CCDC57: variants seen among roughly 807,000 people sequenced by gnomAD.
The protein encoded by CCDC57 is coiled-coil domain containing 57, also known as coiled-coil domain-containing protein 57.
Under a neutral mutation model 118.9 loss-of-function variants are expected in CCDC57, and 118 were observed. That is an observed-to-expected ratio of 0.99 (90% CI 0.86 to 1.16). The LOEUF (loss-of-function observed/expected upper bound fraction) is 1.16, where lower values mean the gene tolerates loss of function less well. Ranked by LOEUF, CCDC57 falls within the 50% of genes most tolerant of loss-of-function variation. The probability of loss-of-function intolerance (pLI) is 0.00; values close to 1 mark genes in which losing one functional copy is unlikely to be tolerated. For missense variants in CCDC57, 1,300 were observed against 1,320.7 expected (o/e 0.98, Z 0.24); for synonymous variants, 527 against 532.9 (o/e 0.99, Z 0.15).
chr17:82,145,776 CCCGCCCT>C, intron 16 of CCDC57: 1 of 464,180 alleles, frequency 2.2e-6, no homozygotes, highest in Non-Finnish European at 4.5e-6. Context: ...GTTCTCACTC[CCCGCCCT>C]GGTCTCGGCC....
At chr17:82,114,108 C>T (rs2035535725) in intron 19 of CCDC57, among the ~76,000 whole-genome samples, 1 of 152,144 alleles carries the variant, frequency 6.6e-6, no homozygotes, top group African/African-American at 2.4e-5. Flanking sequence ...AGAGTGACGC[C>T]ACAGATGGAA....
At chr17:82,201,900 AAGCAGCAGCTCATTC>A in exon 3 of CCDC57, 3 of 1,608,066 alleles carry the variant, frequency 1.9e-6, no homozygotes, top group Non-Finnish European at 2.6e-6. Context: ...CCTCCTTGCG[AAGCAGCAGCTCATTC>A]AGGGCGGGCT....
chr17:82,103,042 G>T (rs1423167748), intron 19 of CCDC57, among the ~76,000 whole-genome samples: 3 of 152,264 alleles, frequency 2.0e-5, no homozygotes, highest in Non-Finnish European at 4.4e-5. Flanking sequence ...GCAGGTCAGC[G>T]GGCGGCCAAC....
chr17:82,144,114 A>T (rs577989226), intron 16 of CCDC57, among the ~76,000 whole-genome samples: 1 of 152,174 alleles, frequency 6.6e-6, no homozygotes, highest in East Asian at 1.9e-4. Flanking sequence ...GATCAGACTG[A>T]TGGCTGACCT....
chr17:82,134,321 G>A (rs2145414177), intron 16 of CCDC57, 127 bp from the exon 16 acceptor site: 3 of 951,388 alleles, frequency 3.2e-6, no homozygotes, highest in Non-Finnish European at 1.4e-6. Context: ...CCATTACATC[G>A]AGAACTTGGG....
At chr17:82,162,035 TG>T (rs2043405067) in intron 14 of CCDC57, among the ~76,000 whole-genome samples, 1 of 152,168 alleles carries the variant, frequency 6.6e-6, no homozygotes, top group South Asian at 2.1e-4. Context: ...GTTTCGCTCC[TG>T]TTGCCCAAGC....
rs1038281682 is a variant in CCDC57, at chr17:82,120,461, G to A, written c.2899+7231C>T. On this transcript the variant is annotated intron_variant, in intron 19 of 19. Transcript: ENST00000665763. Reference sequence around the variant, plus strand: ...CCGAGCTGCGCTCTGTCCTAGTGTCGGTGCACTGGAGGGCGCAGTGTCGCA... The same window carrying A: ...CCGAGCTGCGCTCTGTCCTAGTGTCAGTGCACTGGAGGGCGCAGTGTCGCA... Among the ~76,000 whole-genome samples the A allele has an allele frequency of 5.3e-5, 8 of 152,350 alleles. No individual in the cohort carries two copies. The East Asian group carries it at 5.8e-4, about 11-fold the overall frequency.
chr17:82,170,061 C>T (rs1003230596), intron 13 of CCDC57, among the ~76,000 whole-genome samples: 5 of 152,152 alleles, frequency 3.3e-5, no homozygotes, highest in South Asian at 4.1e-4. Context: ...GAGGGGCTGT[C>T]GAAAGGCCAA....
chr17:82,184,044 C>CAT, intron 8 of CCDC57, 112 bp from the exon 8 acceptor site: 1 of 544,434 alleles, frequency 1.8e-6, no homozygotes, highest in Admixed American at 3.1e-5. Flanking sequence ...CACACACACA[C>CAT]ACACACACAC....
chr17:82,110,690 C>G (rs2035181420), intron 19 of CCDC57, among the ~76,000 whole-genome samples: 1 of 152,162 alleles, frequency 6.6e-6, no homozygotes, highest in Non-Finnish European at 1.5e-5. Context: ...AATTGTAAAA[C>G]CTACTACTGA....
intron 4 of CCDC57, among the ~76,000 whole-genome samples, chr17:82,197,793 C>A (rs893980478): frequency 2.0e-5 from 3 of 152,200 alleles, no homozygotes; most frequent in African/African-American, 7.2e-5. Flanking sequence ...GGTGAACTCG[C>A]TCTCTCTGCT....
intron 8 of CCDC57, among the ~76,000 whole-genome samples, chr17:82,186,502 G>A (rs1200372472): frequency 6.6e-6 from 1 of 152,100 alleles, no homozygotes; most frequent in Non-Finnish European, 1.5e-5. Context: ...TCCCATGCAT[G>A]GCGTCTTCAA....
At chr17:82,209,631 G>A (rs1040316225) in intron 1 of CCDC57, among the ~76,000 whole-genome samples, 1 of 151,878 alleles carries the variant, frequency 6.6e-6, no homozygotes, top group Non-Finnish European at 1.5e-5. Context: ...TCAGACACAC[G>A]CCACCATGGC....
intron 19 of CCDC57, chr17:82,113,687 C>T (rs1197518981): frequency 7.0e-6 from 5 of 715,538 alleles, no homozygotes; most frequent in Non-Finnish European, 1.3e-5. Context: ...CATCTCAGCA[C>T]TTTGGGAGGC....
At chr17:82,101,733 AGCTTTT>A (rs2034465250) in exon 20 of CCDC57, 1 of 1,608,356 alleles carries the variant, frequency 6.2e-7, no homozygotes, top group South Asian at 1.1e-5. Context: ...GGCAGCCTTT[AGCTTTT>A]GCAGGATGAG....
At chr17:82,113,615 T>C (rs2035462119) in intron 19 of CCDC57, 2 of 717,446 alleles carry the variant, frequency 2.8e-6, no homozygotes, top group South Asian at 1.5e-5. Context: ...GCTCGCCTCC[T>C]GGTTCATGTT....
At chr17:82,167,632 C>A (rs2044161058) in intron 13 of CCDC57, among the ~76,000 whole-genome samples, 1 of 150,676 alleles carries the variant, frequency 6.6e-6, no homozygotes, top group Non-Finnish European at 1.5e-5. Context: ...ATTGCAGGCA[C>A]CCGCAACCAC....
In CCDC57 at chr17:82,179,140, G is replaced by A. The variant is rs373068976; in HGVS notation, c.1261C>T (p.Arg421Cys). Residue 421 changes from arginine to cysteine, a missense_variant, in exon 10 of 20, where the codon CGT (arginine) becomes TGT (cysteine). Physicochemically the swap from Arg to Cys is radical, Grantham distance 180. Transcript: ENST00000665763. ...TCCAGGCCCAGCTGCACCTGATCAC[G>A]CTCCAGGCTCCGCTCCCTTTCCACT... 43 of 1,613,842 alleles carry A rather than the reference G, an allele frequency of 2.7e-5. 1 individual carries two copies. In the African/African-American group the frequency reaches 3.5e-4, roughly 13 times the overall value.
chr17:82,138,692 T>G, intron 16 of CCDC57, among the ~76,000 whole-genome samples: 1 of 147,282 alleles, frequency 6.8e-6, no homozygotes, highest in African/African-American at 2.6e-5. Context: ...CTGCCCCGGG[T>G]CGGAAGAGAC....
Sources: allele counts gnomAD v4.1 joint callset (sites outside exome capture counted in the v4.1 genomes callset), GRCh38; gene constraint gnomAD v4.1.1; transcripts MANE v1.5; gene names NCBI Gene and HGNC (gene_info 2026-07-23, HGNC 2026-07-21).